The following ANKS1B variants were observed in gnomAD, a reference collection of about 807,000 sequenced individuals.
ANKS1B encodes ankyrin repeat and sterile alpha motif domain containing 1B, also known as ankyrin repeat and sterile alpha motif domain-containing protein 1B.
ANKS1B carries 36 observed loss-of-function variants against 148.3 expected under a neutral mutation model. The ratio of observed to expected loss-of-function variants is 0.24; its 90% CI spans 0.19 to 0.32. The LOEUF (loss-of-function observed/expected upper bound fraction) is 0.32, where lower values mean the gene tolerates loss of function less well. Among genes scored for constraint, ANKS1B ranks in the 10% least tolerant of loss-of-function variants. The pLI is 1.00. For missense variants in ANKS1B, 1,157 were observed against 1,542.6 expected (o/e 0.75, Z 4.19); for synonymous variants, 542 against 560.8 (o/e 0.97, Z 0.47).
intron 17 of ANKS1B, among the ~76,000 whole-genome samples, chr12:98,838,718 A>G (rs1185685000): frequency 6.6e-6 from 1 of 152,220 alleles, no homozygotes; most frequent in Admixed American, 6.5e-5. Flanking sequence ...TAAAGAGAAC[A>G]GCTCCTATGC....
At chr12:99,274,602 A>C (rs137998597) in intron 12 of ANKS1B, among the ~76,000 whole-genome samples, 191 of 152,232 alleles carry the variant, frequency 1.3e-3, no homozygotes, top group Non-Finnish European at 2.1e-3. Context: ...TTTCCCCAAC[A>C]TTCTTCATGA....
intron 1 of ANKS1B, among the ~76,000 whole-genome samples, chr12:99,917,735 A>G (rs972896191): frequency 6.6e-6 from 1 of 152,212 alleles, no homozygotes; most frequent in African/African-American, 2.4e-5. Context: ...ATGAACCACT[A>G]GCATTCCATC....
chr12:99,828,524 A>G (rs1375249513), intron 1 of ANKS1B, among the ~76,000 whole-genome samples: 1 of 152,162 alleles, frequency 6.6e-6, no homozygotes, highest in Non-Finnish European at 1.5e-5. Context: ...TACTAAAGAA[A>G]CCAAAACAAA....
chr12:99,582,763 C>A (rs2097583123), intron 9 of ANKS1B, among the ~76,000 whole-genome samples: 1 of 152,050 alleles, frequency 6.6e-6, no homozygotes, highest in African/African-American at 2.4e-5. Flanking sequence ...TAAGGCAAAT[C>A]TTTGACAGTT....
At chr12:99,123,348 T>C (rs1489614504) in intron 15 of ANKS1B, among the ~76,000 whole-genome samples, 1 of 152,102 alleles carries the variant, frequency 6.6e-6, no homozygotes, top group African/African-American at 2.4e-5. Context: ...AAACAGAAGG[T>C]TAGCAGGGCA....
At chr12:99,073,646 C>T (rs1224835561) in intron 16 of ANKS1B, among the ~76,000 whole-genome samples, 1 of 152,142 alleles carries the variant, frequency 6.6e-6, no homozygotes, top group African/African-American at 2.4e-5. Flanking sequence ...TGCAACCCTT[C>T]CTTCTAGCCT....
intron 20 of ANKS1B, among the ~76,000 whole-genome samples, chr12:98,803,796 C>A (rs758328162): frequency 5.9e-5 from 9 of 152,312 alleles, no homozygotes; most frequent in Non-Finnish European, 1.3e-4. Context: ...TATGCAAATT[C>A]ATTCTCTAAT....
At chr12:99,436,859 G>A (rs11109841) in intron 11 of ANKS1B, among the ~76,000 whole-genome samples, 29,417 of 151,806 alleles carry the variant, frequency 0.19, 3,125 homozygotes, top group Middle Eastern at 0.26. Flanking sequence ...TGAGAGCTCT[G>A]AGCCTTTGAC....
At chr12:99,549,446 T>C (rs2097198934) in intron 9 of ANKS1B, among the ~76,000 whole-genome samples, 1 of 152,242 alleles carries the variant, frequency 6.6e-6, no homozygotes, top group Admixed American at 6.5e-5. Context: ...CAGAATTTGC[T>C]AAATTAAGTT....
At chr12:99,564,708 C>G (rs1040374394) in intron 9 of ANKS1B, among the ~76,000 whole-genome samples, 4 of 152,122 alleles carry the variant, frequency 2.6e-5, no homozygotes, top group African/African-American at 9.6e-5. Context: ...TAATTCCTAA[C>G]CAATTTCTGT....
chr12:99,765,005 C>A (rs2062511219), intron 8 of ANKS1B, among the ~76,000 whole-genome samples: 1 of 152,074 alleles, frequency 6.6e-6, no homozygotes, highest in Admixed American at 6.6e-5. Context: ...CTTGAAATAA[C>A]TCAGGTGAGG....
At chr12:99,339,680 A>G (rs2089575500) in intron 12 of ANKS1B, among the ~76,000 whole-genome samples, 1 of 152,256 alleles carries the variant, frequency 6.6e-6, no homozygotes, top group East Asian at 1.9e-4. Flanking sequence ...AGCTTTTGAA[A>G]GTTGATTTTG....
chr12:99,832,163 C>A (rs1020606957), intron 1 of ANKS1B, among the ~76,000 whole-genome samples: 5 of 152,158 alleles, frequency 3.3e-5, no homozygotes, highest in African/African-American at 4.8e-5. Context: ...CATGGCAATA[C>A]ATAATCAAAT....
intron 1 of ANKS1B, among the ~76,000 whole-genome samples, chr12:99,866,492 G>A (rs1271341024): frequency 6.6e-6 from 1 of 151,984 alleles, no homozygotes; most frequent in Admixed American, 6.6e-5. Flanking sequence ...TTGGGCCAAG[G>A]TTTACTCTAG....
intron 14 of ANKS1B, among the ~76,000 whole-genome samples, chr12:99,240,590 C>G (rs2153964472): frequency 6.6e-6 from 1 of 151,192 alleles, no homozygotes; most frequent in African/African-American, 2.4e-5. Context: ...AACTGCATAC[C>G]CCAAATCTTC....
At chr12:99,549,532 C>A (rs2097199890) in intron 9 of ANKS1B, among the ~76,000 whole-genome samples, 1 of 152,130 alleles carries the variant, frequency 6.6e-6, no homozygotes, top group Non-Finnish European at 1.5e-5. Flanking sequence ...TTCTTTCTAT[C>A]TTTCATAATT....
chr12:99,488,842 T>A (rs998639595), intron 10 of ANKS1B, among the ~76,000 whole-genome samples: 4 of 152,210 alleles, frequency 2.6e-5, no homozygotes, highest in African/African-American at 4.8e-5. Flanking sequence ...TTTCTTTCAT[T>A]ATTGTTTGGA....
chr12:98,967,471 T>C lies in ANKS1B; in HGVS notation c.2778+85686A>G, dbSNP rs371420734. 4.8e-4 allele frequency among the ~76,000 whole-genome samples: 73 copies of C among 151,942 alleles called. 2 individuals carry two copies. Among genetic ancestry groups the C allele is most frequent in the Middle Eastern group, 3.4e-3 (1 of 294 alleles). ...AAGGCCTTTCTGAGGCTTTGGCTGG[T>C]ATCTTAATTTCTTGTGGAATATACA... On this transcript the variant is annotated intron_variant, in intron 17 of 26. Coordinates refer to ENST00000683438, the MANE Select transcript of ANKS1B (RefSeq NM_001352186.2).
At chr12:99,108,870 AG>A (rs1241082091) in intron 15 of ANKS1B, among the ~76,000 whole-genome samples, 1 of 152,210 alleles carries the variant, frequency 6.6e-6, no homozygotes, top group Non-Finnish European at 1.5e-5. Context: ...GAGAGAGCAA[AG>A]ATGAGAACTC....
Sources: allele counts gnomAD v4.1 joint callset (sites outside exome capture counted in the v4.1 genomes callset), GRCh38; gene constraint gnomAD v4.1.1; transcripts MANE v1.5; gene names NCBI Gene and HGNC (gene_info 2026-07-23, HGNC 2026-07-21).